The following CPNE4 variants were observed in gnomAD, a reference collection of about 807,000 sequenced individuals.
The protein encoded by CPNE4 is copine-4.
In CPNE4, 25 loss-of-function variants were observed where a neutral mutation model predicts 67.9. The observed-to-expected ratio is 0.37, with a 90% CI of 0.27 to 0.51. The LOEUF (loss-of-function observed/expected upper bound fraction) is 0.51, where lower values mean the gene tolerates loss of function less well. Ranked by LOEUF, CPNE4 falls within the 20% of genes least tolerant of loss-of-function variation. The pLI is 0.93. For synonymous variants in CPNE4, 242 were observed against 244.9 expected (o/e 0.99, Z 0.11); for missense variants, 464 against 690.8 (o/e 0.67, Z 3.68).
chr3:131,763,543 C>G (rs1035632056), intron 2 of CPNE4, among the ~76,000 whole-genome samples: 1 of 152,082 alleles, frequency 6.6e-6, no homozygotes, highest in Non-Finnish European at 1.5e-5. Flanking sequence ...CCTAGGCTAG[C>G]TAATGAGGAG....
intron 2 of CPNE4, among the ~76,000 whole-genome samples, chr3:131,826,569 T>A (rs2107983133): frequency 6.7e-6 from 1 of 150,340 alleles, no homozygotes; most frequent in East Asian, 1.9e-4. Context: ...GTTGTTTTTT[T>A]GTTTGTTTGT....
rs147871537 is a variant in CPNE4 at position 131,968,541 on chromosome 3, A to G, written c.-1-63097T>C. 8.6e-3 allele frequency among the ~76,000 whole-genome samples: 1,312 copies of G among 152,362 alleles called. 11 individuals carry two copies. Among genetic ancestry groups the G allele is most frequent in the Middle Eastern group, 0.037 (11 of 294 alleles). ...GAAACAATCCCATCGAAAGTGGGCA[A>G]AGGATATGAACAGACACTTCTTTAA... On this transcript the variant is annotated intron_variant, in intron 1 of 15. Coordinates refer to ENST00000429747, the MANE Select transcript of CPNE4 (RefSeq NM_130808.3).
chr3:132,001,140 T>G (rs1241594937), intron 1 of CPNE4, among the ~76,000 whole-genome samples: 1 of 152,018 alleles, frequency 6.6e-6, no homozygotes, highest in African/African-American at 2.4e-5. Context: ...GAGAAAGATC[T>G]GAATATTATC....
intron 2 of CPNE4, among the ~76,000 whole-genome samples, chr3:131,770,523 G>T (rs1333336819): frequency 6.6e-6 from 1 of 152,206 alleles, no homozygotes; most frequent in Non-Finnish European, 1.5e-5. Context: ...GCAACCAGGG[G>T]AGACAAGGTG....
chr3:131,674,009 T>C (rs1356854101), intron 6 of CPNE4, among the ~76,000 whole-genome samples: 1 of 151,780 alleles, frequency 6.6e-6, no homozygotes, highest in East Asian at 1.9e-4. Context: ...TTTTTGCATT[T>C]TTTTTTATCA....
At chr3:131,891,288 A>T (rs2107741505) in intron 2 of CPNE4, among the ~76,000 whole-genome samples, 1 of 152,180 alleles carries the variant, frequency 6.6e-6, no homozygotes, top group Admixed American at 6.6e-5. Flanking sequence ...AGCTGGAGAG[A>T]AATAAAATTT....
At chr3:131,982,914 T>G (rs1391349708) in intron 1 of CPNE4, among the ~76,000 whole-genome samples, 1 of 152,038 alleles carries the variant, frequency 6.6e-6, no homozygotes, top group Non-Finnish European at 1.5e-5. Flanking sequence ...CTAAAGTTTA[T>G]GCTTCTATTA....
chr3:131,625,212 T>A (rs763435336), intron 7 of CPNE4, among the ~76,000 whole-genome samples: 5 of 152,122 alleles, frequency 3.3e-5, no homozygotes, highest in Non-Finnish European at 7.4e-5. Flanking sequence ...ATCTATGGGG[T>A]CAAGGAACTA....
rs74354016 is a variant in CPNE4 at position 131,993,745 on chromosome 3, T to G, written c.-2+40822A>C. On this transcript the variant is annotated intron_variant, in intron 1 of 15. Coordinates refer to ENST00000429747, the MANE Select transcript of CPNE4 (RefSeq NM_130808.3). Reference sequence around the variant, plus strand: ...TTAAGATACTAACTTTACATTTCTCTAATTATTGCTTGGAATAATATCCCA... The same window carrying G: ...TTAAGATACTAACTTTACATTTCTCGAATTATTGCTTGGAATAATATCCCA... Among the ~76,000 whole-genome samples, 404 of 136,244 alleles carry G rather than the reference T, an allele frequency of 3.0e-3. 84 individuals are homozygous for G. In the East Asian group the frequency reaches 0.032, roughly 11 times the overall value. The allele number at this position is 136,244 out of a possible 152,430, so 89.4% of individuals were successfully genotyped here. A position where few individuals can be genotyped will look rare whatever the true frequency, so the allele number is the denominator to read the frequency against.
intron 7 of CPNE4, among the ~76,000 whole-genome samples, chr3:131,622,035 A>AG (rs1284446158): frequency 6.7e-4 from 102 of 151,388 alleles, no homozygotes; most frequent in African/African-American, 2.4e-3. Context: ...AAAAAAAAAA[A>AG]AAAAGAAAAG....
At chr3:131,728,874 C>T (rs954678188) in intron 2 of CPNE4, among the ~76,000 whole-genome samples, 14 of 139,594 alleles carry the variant, frequency 1.0e-4, no homozygotes, top group Admixed American at 6.2e-4. Flanking sequence ...CAGGCCACTG[C>T]ACTCCAGCCT....
At chr3:131,919,582 A>C (rs536177345) in intron 1 of CPNE4, among the ~76,000 whole-genome samples, 221 of 152,354 alleles carry the variant, frequency 1.5e-3, no homozygotes, top group Middle Eastern at 6.8e-3. Flanking sequence ...GAGTGCAGAA[A>C]TAAACTACAT....
At chr3:131,936,604 G>A (rs1477537910) in intron 1 of CPNE4, among the ~76,000 whole-genome samples, 1 of 151,576 alleles carries the variant, frequency 6.6e-6, no homozygotes, top group Non-Finnish European at 1.5e-5. Flanking sequence ...AAGTGAACTG[G>A]CACAGACATG....
At chr3:131,885,384 A>T (rs2087840739) in intron 2 of CPNE4, among the ~76,000 whole-genome samples, 2 of 151,768 alleles carry the variant, frequency 1.3e-5, no homozygotes, top group South Asian at 4.2e-4. Flanking sequence ...AGGTTATAAA[A>T]ATTAAGATAG....
chr3:131,689,627 C>G (rs1420351781), intron 5 of CPNE4, among the ~76,000 whole-genome samples: 1 of 152,140 alleles, frequency 6.6e-6, no homozygotes, highest in Non-Finnish European at 1.5e-5. Flanking sequence ...TGGGCAAAAG[C>G]TGGAAGCATT....
At chr3:131,895,177 C>T (rs72991344) in intron 2 of CPNE4, among the ~76,000 whole-genome samples, 8,072 of 151,804 alleles carry the variant, frequency 0.053, 386 homozygotes, top group African/African-American at 0.13. Flanking sequence ...ATCATAGAAG[C>T]AGAGAGTAGA....
At chr3:131,963,111 G>A (rs879615441) in intron 1 of CPNE4, among the ~76,000 whole-genome samples, 13 of 152,082 alleles carry the variant, frequency 8.5e-5, no homozygotes, top group Admixed American at 7.2e-4. Context: ...GCAAGCAGAA[G>A]CAGGGTAGGG....
At chr3:131,896,040 GA>G (rs1271478501) in intron 2 of CPNE4, among the ~76,000 whole-genome samples, 3,751 of 146,640 alleles carry the variant, frequency 0.026, 164 homozygotes, top group African/African-American at 0.087. Flanking sequence ...TTACTTCTAG[GA>G]AAAAAAAAAA....
At chr3:131,537,289 T>G (rs895332360) in intron 15 of CPNE4, among the ~76,000 whole-genome samples, 34 of 148,280 alleles carry the variant, frequency 2.3e-4, no homozygotes, top group Admixed American at 1.7e-3. Flanking sequence ...TTCTGTTTTT[T>G]TTTTTTTTTT....
Sources: allele counts gnomAD v4.1 joint callset (sites outside exome capture counted in the v4.1 genomes callset), GRCh38; gene constraint gnomAD v4.1.1; transcripts MANE v1.5; gene names NCBI Gene and HGNC (gene_info 2026-07-23, HGNC 2026-07-21).